The following LRBA variants were observed in gnomAD, a reference collection of about 807,000 sequenced individuals.
LRBA encodes the protein LPS responsive beige-like anchor protein, also known as lipopolysaccharide-responsive and beige-like anchor protein.
In LRBA, 176 loss-of-function variants were observed where a neutral mutation model predicts 330.0. That is an observed-to-expected ratio of 0.53 (90% CI 0.47 to 0.60). LRBA has a LOEUF of 0.60. LRBA is among the 20% of genes least tolerant of loss of function. LRBA has a pLI of 0.00. For synonymous variants in LRBA, 1,230 were observed against 1,193.0 expected (o/e 1.03, Z -0.64); for missense variants, 3,259 against 3,444.8 (o/e 0.95, Z 1.35).
intron 35 of LRBA, among the ~76,000 whole-genome samples, chr4:150,742,177 G>A (rs955416455): frequency 2.9e-5 from 4 of 138,498 alleles, no homozygotes; most frequent in Non-Finnish European, 3.1e-5. Flanking sequence ...ACAGAGTCTC[G>A]CTCTGTCACC....
At chr4:150,650,400 A>G (rs1188891001) in intron 37 of LRBA, among the ~76,000 whole-genome samples, 2 of 152,198 alleles carry the variant, frequency 1.3e-5, no homozygotes, top group Non-Finnish European at 2.9e-5. Context: ...TTTTTTCCTA[A>G]TATCTCTAAG....
intron 47 of LRBA, among the ~76,000 whole-genome samples, chr4:150,357,664 T>TAA (rs1427359734): frequency 3.4e-5 from 5 of 148,744 alleles, no homozygotes; most frequent in African/African-American, 9.9e-5. Context: ...TTTTTTTTTT[T>TAA]TAAAAAAAAC....
chr4:150,737,980 AATCT>A (rs1731437093), intron 35 of LRBA, among the ~76,000 whole-genome samples: 2 of 146,512 alleles, frequency 1.4e-5, no homozygotes, highest in African/African-American at 5.1e-5. Flanking sequence ...TTTTTCTCTG[AATCT>A]TTTTTTTTTT....
At chr4:150,601,392 C>G (rs1042142050) in intron 37 of LRBA, among the ~76,000 whole-genome samples, 6 of 152,034 alleles carry the variant, frequency 3.9e-5, no homozygotes, top group Admixed American at 1.3e-4. Flanking sequence ...TGCACAATAA[C>G]TTTTATCACA....
intron 47 of LRBA, among the ~76,000 whole-genome samples, chr4:150,354,586 A>G (rs972290315): frequency 2.0e-5 from 3 of 152,182 alleles, no homozygotes; most frequent in Admixed American, 6.5e-5. Flanking sequence ...ATTATAAAAT[A>G]AATCAGTGAC....
chr4:150,588,210 A>G (rs1772361196), intron 39 of LRBA, 26 bp from the exon 40 acceptor site: 1 of 1,554,364 alleles, frequency 6.4e-7, no homozygotes, highest in African/African-American at 1.4e-5. Context: ...GACAAGCCAC[A>G]CAAGTTGGAA....
chr4:150,801,821 T>C (rs1405821579), intron 33 of LRBA, among the ~76,000 whole-genome samples: 1 of 152,026 alleles, frequency 6.6e-6, no homozygotes, highest in Non-Finnish European at 1.5e-5. Flanking sequence ...AGATATTTTT[T>C]GCCTACCCCA....
intron 2 of LRBA, among the ~76,000 whole-genome samples, chr4:150,960,331 T>C (rs1462736137): frequency 6.7e-6 from 1 of 148,276 alleles, no homozygotes; most frequent in Non-Finnish European, 1.5e-5. Context: ...CAACTTCCAA[T>C]TTGCAGGAAA....
chr4:150,706,255 T>A, intron 36 of LRBA, among the ~76,000 whole-genome samples: 1 of 151,856 alleles, frequency 6.6e-6, no homozygotes, highest in East Asian at 1.9e-4. Context: ...AGCTTGACAC[T>A]AGTATATGAA....
At chr4:150,870,430 A>T in intron 20 of LRBA, 95 bp downstream of exon 20, 1 of 740,634 alleles carries the variant, frequency 1.4e-6, no homozygotes, top group South Asian at 1.5e-5. Flanking sequence ...TTCATCTAAC[A>T]ATCTGTTTCA....
chr4:150,999,571 T>C (rs1414573277), intron 2 of LRBA, among the ~76,000 whole-genome samples: 1 of 152,000 alleles, frequency 6.6e-6, no homozygotes, highest in Non-Finnish European at 1.5e-5. Context: ...TCACTACTGA[T>C]TATTTTTAAG....
At chr4:150,777,521 G>A (rs1737557792) in intron 34 of LRBA, among the ~76,000 whole-genome samples, 2 of 152,138 alleles carry the variant, frequency 1.3e-5, no homozygotes, top group African/African-American at 4.8e-5. Flanking sequence ...CTATGCCCTT[G>A]TAAAACGAAG....
At chr4:150,474,276 C>T (rs542781269) in intron 42 of LRBA, among the ~76,000 whole-genome samples, 14 of 152,196 alleles carry the variant, frequency 9.2e-5, no homozygotes, top group East Asian at 1.9e-4. Flanking sequence ...AACAATTGAC[C>T]GCAAACTCAA....
At chr4:150,414,118 A>G (rs1747394381) in intron 47 of LRBA, among the ~76,000 whole-genome samples, 1 of 152,224 alleles carries the variant, frequency 6.6e-6, no homozygotes, top group African/African-American at 2.4e-5. Flanking sequence ...ATACATAATT[A>G]CAATTGTTTA....
intron 46 of LRBA, among the ~76,000 whole-genome samples, chr4:150,429,185 G>A (rs1244663914): frequency 6.6e-6 from 1 of 151,954 alleles, no homozygotes; most frequent in Non-Finnish European, 1.5e-5. Context: ...GGTGATGGGG[G>A]CAATTTTAAA....
intron 10 of LRBA, 33 bp downstream of exon 10, chr4:150,908,627 T>A: frequency 6.4e-7 from 1 of 1,573,666 alleles, no homozygotes; most frequent in Non-Finnish European, 8.7e-7. Flanking sequence ...AAAATTACCA[T>A]TATAAATGTT....
chr4:150,683,736 T>A lies in LRBA; in HGVS notation c.5755-19A>T, dbSNP rs766142366. ...ACAGTGACTTGGAGAGAAAAAAAAA[T>A]AATACTATAAAAAATGTGAAAAAAA... On this transcript the variant is annotated intron_variant, in intron 36 of 56. Coordinates refer to ENST00000651943, the MANE Select transcript of LRBA (RefSeq NM_001364905.1). 2 of 1,525,754 alleles carry A rather than the reference T, an allele frequency of 1.3e-6. No individual in the cohort carries two copies. Among genetic ancestry groups the A allele is most frequent in the Non-Finnish European group, 8.9e-7 (1 of 1,123,004 alleles). The allele number at this position is 1,525,754 out of a possible 1,614,324, so 94.5% of individuals were successfully genotyped here.
chr4:150,899,293 C>T (rs546177904), intron 14 of LRBA, among the ~76,000 whole-genome samples: 16 of 152,138 alleles, frequency 1.1e-4, no homozygotes, highest in Non-Finnish European at 2.1e-4. Flanking sequence ...GAAAGGGGAC[C>T]GGCTGCTTGC....
At chr4:150,617,580 T>G (rs948963255) in intron 37 of LRBA, among the ~76,000 whole-genome samples, 1 of 152,028 alleles carries the variant, frequency 6.6e-6, no homozygotes, top group Admixed American at 6.5e-5. Context: ...AGGCGGAGGT[T>G]GCAGTGAGCA....
Sources: allele counts gnomAD v4.1 joint callset (sites outside exome capture counted in the v4.1 genomes callset), GRCh38; gene constraint gnomAD v4.1.1; transcripts MANE v1.5; gene names NCBI Gene and HGNC (gene_info 2026-07-23, HGNC 2026-07-21).